The following DAB1 variants were observed in gnomAD, a reference collection of about 807,000 sequenced individuals.
DAB1 encodes disabled homolog 1.
A neutral mutation model predicts 64.6 loss-of-function variants in DAB1; 15 were observed. That is an observed-to-expected ratio of 0.23 (90% CI 0.16 to 0.36). The LOEUF (loss-of-function observed/expected upper bound fraction) is 0.36. DAB1 is among the 10% of genes least tolerant of loss of function. The probability of loss-of-function intolerance (pLI) is 1.00; values close to 1 mark genes in which losing one functional copy is unlikely to be tolerated. For synonymous variants in DAB1, 235 were observed against 251.9 expected (o/e 0.93, Z 0.64); for missense variants, 596 against 706.7 (o/e 0.84, Z 1.78).
chr1:58,068,819 T>C (rs924343771), intron 5 of DAB1, among the ~76,000 whole-genome samples: 1 of 151,678 alleles, frequency 6.6e-6, no homozygotes, highest in African/African-American at 2.4e-5. Flanking sequence ...CTCTGACTCT[T>C]GGGTCCAATG....
At chr1:57,992,399 A>G (rs1646358396) in intron 5 of DAB1, among the ~76,000 whole-genome samples, 1 of 152,186 alleles carries the variant, frequency 6.6e-6, no homozygotes, top group African/African-American at 2.4e-5. Context: ...ACTTCAATTT[A>G]CATCAATGAA....
chr1:57,212,711 T>C (rs891168825), intron 2 of DAB1, among the ~76,000 whole-genome samples: 5 of 152,224 alleles, frequency 3.3e-5, no homozygotes, highest in African/African-American at 1.2e-4. Context: ...CTAATTCATT[T>C]TGATTTTCAT....
chr1:58,337,084 C>A (rs1281687773), intron 4 of DAB1, among the ~76,000 whole-genome samples: 3 of 152,058 alleles, frequency 2.0e-5, no homozygotes, highest in Non-Finnish European at 4.4e-5. Flanking sequence ...GAGTTTGAGA[C>A]CAGCCTGGCC....
Position 57,713,623 on chromosome 1 carries a change from C to T in DAB1, n.552-63958G>A, listed in dbSNP as rs557476862. 5.3e-5 allele frequency among the ~76,000 whole-genome samples: 8 copies of T among 152,252 alleles called. No individual in the cohort carries two copies. The South Asian group carries it at 1.7e-3, about 32-fold the overall frequency. The stretch of plus-strand genomic sequence containing the variant: ...ACTATTCAGATCCATCTGGTGGCTG[C>T]ATGTGATGAATACTACAAATCCCAT... On this transcript the variant is annotated intron_variant and non_coding_transcript_variant, in intron 6 of 20. Transcript: ENST00000485760.
At position 57,540,249 on chromosome 1, in the gene DAB1, C is replaced by A. The variant is rs1644785785; in HGVS notation, n.625+109343G>T. Among the ~76,000 whole-genome samples, 3 of 152,108 alleles carry A rather than the reference C, an allele frequency of 2.0e-5. No individual in the cohort carries two copies. In the South Asian group the frequency reaches 6.2e-4, roughly 32 times the overall value. ...GCAAATCAAAACCACAACATGATAT[C>A]ATCTTACCCCAGTTAGAATGGTTAT... On this transcript the variant is annotated intron_variant and non_coding_transcript_variant, in intron 7 of 20. Transcript: ENST00000485760.
intron 5 of DAB1, among the ~76,000 whole-genome samples, chr1:58,036,215 T>G (rs1360466873): frequency 6.6e-6 from 1 of 152,234 alleles, no homozygotes; most frequent in Non-Finnish European, 1.5e-5. Context: ...TATTAATTCA[T>G]TTGCTCTTCA....
chr1:57,557,100 G>A (rs929211029), intron 7 of DAB1, among the ~76,000 whole-genome samples: 3 of 152,152 alleles, frequency 2.0e-5, no homozygotes, highest in African/African-American at 7.2e-5. Flanking sequence ...GTCTGTGAGG[G>A]TGTTGCCACA....
chr1:57,243,564 T>G (rs1300877859), intron 2 of DAB1, among the ~76,000 whole-genome samples: 1 of 152,198 alleles, frequency 6.6e-6, no homozygotes, highest in East Asian at 1.9e-4. Context: ...CCTACCCTCT[T>G]GTTCACTCTC....
At chr1:58,466,145 A>C (rs1440140980) in intron 3 of DAB1, among the ~76,000 whole-genome samples, 1 of 152,062 alleles carries the variant, frequency 6.6e-6, no homozygotes, top group Non-Finnish European at 1.5e-5. Flanking sequence ...CCAATGGAGG[A>C]GCGGGGCAGG....
At chr1:57,566,489 T>A (rs1645122689) in intron 7 of DAB1, among the ~76,000 whole-genome samples, 1 of 152,150 alleles carries the variant, frequency 6.6e-6, no homozygotes, top group Admixed American at 6.5e-5. Context: ...ATCCAGGAGC[T>A]TGTTTTTTGA....
At chr1:58,448,200 A>G (rs1413104613) in intron 3 of DAB1, among the ~76,000 whole-genome samples, 1 of 152,210 alleles carries the variant, frequency 6.6e-6, no homozygotes, top group African/African-American at 2.4e-5. Context: ...GCACATACTT[A>G]AAGCAGTTGT....
At chr1:57,168,413 A>G (rs1661406813) in intron 2 of DAB1, among the ~76,000 whole-genome samples, 1 of 151,976 alleles carries the variant, frequency 6.6e-6, no homozygotes. Flanking sequence ...CTTTATCCTT[A>G]CTCCCATTTT....
chr1:58,081,934 G>T (rs1650022125), intron 5 of DAB1, among the ~76,000 whole-genome samples: 1 of 152,128 alleles, frequency 6.6e-6, no homozygotes, highest in Admixed American at 6.5e-5. Context: ...CATTGAAATG[G>T]TAAAGCCAAC....
intron 5 of DAB1, among the ~76,000 whole-genome samples, chr1:57,982,444 C>G (rs1330803735): frequency 6.6e-6 from 1 of 152,162 alleles, no homozygotes; most frequent in Non-Finnish European, 1.5e-5. Flanking sequence ...CAAATCCCAC[C>G]TCTGTTCCTT....
intron 1 of DAB1, among the ~76,000 whole-genome samples, chr1:57,385,454 T>C (rs1268859913): frequency 1.3e-5 from 2 of 152,174 alleles, no homozygotes; most frequent in Admixed American, 1.3e-4. Context: ...TTCTGGATCA[T>C]CTGTAATGCA....
At chr1:57,894,636 A>C (rs915997035) in intron 5 of DAB1, among the ~76,000 whole-genome samples, 23 of 152,160 alleles carry the variant, frequency 1.5e-4, no homozygotes, top group Admixed American at 1.4e-3. Context: ...TTGGATTCTT[A>C]GTGCAATGGG....
At position 58,128,096 on chromosome 1, in the gene DAB1, G is replaced by C. The variant is rs1027679658; in HGVS notation, n.387+22415C>G. 2.0e-4 allele frequency among the ~76,000 whole-genome samples: 30 copies of C among 151,856 alleles called. 1 individual carries two copies. The highest frequency in any genetic ancestry group is 6.0e-4 in the African/African-American group (25 of 41,344). On this transcript the variant is annotated intron_variant and non_coding_transcript_variant, in intron 5 of 20. Transcript: ENST00000485760. ...TTGATTCTTCCTACCCATGAGCATG[G>C]AATGTTCTTCCATTTGTTTGTATCC...
intron 3 of DAB1, among the ~76,000 whole-genome samples, chr1:58,360,182 T>A (rs909449430): frequency 6.6e-6 from 1 of 152,150 alleles, no homozygotes; most frequent in Non-Finnish European, 1.5e-5. Context: ...TGGCAGTATG[T>A]GTGAGTTCTA....
chr1:58,492,875 C>A (rs1045454462), intron 3 of DAB1, among the ~76,000 whole-genome samples: 3 of 152,136 alleles, frequency 2.0e-5, no homozygotes, highest in African/African-American at 7.2e-5. Flanking sequence ...GAAACTATTC[C>A]AATCAACAGA....
Sources: gnomAD v4.1 joint callset for allele counts (sites outside exome capture counted in the v4.1 genomes callset) on GRCh38, gnomAD v4.1.1 for gene constraint, MANE v1.5 for transcripts, NCBI Gene and HGNC (gene_info 2026-07-23, HGNC 2026-07-21) for gene names.